TNKS2: variants seen among roughly 807,000 people sequenced by gnomAD.
TNKS2 encodes the protein poly [ADP-ribose] polymerase tankyrase-2.
In TNKS2, 72 loss-of-function variants were observed where a neutral mutation model predicts 137.6. The ratio of observed to expected loss-of-function variants is 0.52; its 90% CI spans 0.43 to 0.64. The LOEUF is 0.64. Among genes scored for constraint, TNKS2 ranks in the 30% least tolerant of loss-of-function variants. TNKS2 has a pLI of 0.00. For synonymous variants in TNKS2, 516 were observed against 512.1 expected, an observed-to-expected ratio of 1.01 and a Z score of -0.10; for missense variants, 1,049 against 1,410.2, an observed-to-expected ratio of 0.74 and a Z score of 4.10.
At chr10:91,847,348 A>AT (rs1401503129) in intron 18 of TNKS2, among the ~76,000 whole-genome samples, 2 of 151,942 alleles carry the variant, frequency 1.3e-5, no homozygotes, top group African/African-American at 2.4e-5. Context: ...ATTCTAGCAG[A>AT]TTTTTTTTAA....
chr10:91,841,354 G>T lies in TNKS2; in HGVS notation c.1745G>T (p.Gly582Val). ...YEVAELLVKHGAVVNVADLWK... is the reference protein window; with the variant it reads ...YEVAELLVKHVAVVNVADLWK... ...GTTGCAGAACTTCTTGTTAAACATG[G>T]AGCAGTAGTTAATGTAGCTGATTTA... Residue 582 changes from glycine to valine, a missense_variant, in exon 15 of 27, where the codon GGA becomes GTA. Around this residue, in one of 6 missense-constraint regions of TNKS2, gnomAD observed 328 missense variants for 436.0 expected, o/e 0.75. Coordinates refer to ENST00000371627, the MANE Select transcript of TNKS2 (RefSeq NM_025235.4). 1 of 1,609,462 alleles carries T rather than the reference G, an allele frequency of 6.2e-7. No homozygotes were observed. Among genetic ancestry groups the T allele is most frequent in the South Asian group, 1.1e-5 (1 of 90,346 alleles).
rs1264337833 is a variant in TNKS2 at position 91,817,142 on chromosome 10, C to G, written c.433C>G (p.Gln145Glu). The stretch of plus-strand genomic sequence containing the variant: ...GTGTTGCTATTTTGCAGTGCTGTTA[C>G]AGCATGGAGCTGAGCCAACCATCCG... ...GKIDVCIVLLQHGAEPTIRNT... is the reference protein window; with the variant it reads ...GKIDVCIVLLEHGAEPTIRNT... The change falls in exon 3 of 27, where the codon CAG (glutamine) becomes GAG (glutamate). Residue 145 changes from glutamine (Q) to glutamate (E), a missense_variant. By Grantham distance (29) the Gln-to-Glu change is conservative. Transcript: ENST00000371627. 6.2e-7 allele frequency: 1 copy of G among 1,612,296 alleles called. No homozygotes were observed. Among genetic ancestry groups the G allele is most frequent in the East Asian group, 2.2e-5 (1 of 44,846 alleles).
At chr10:91,818,283 A>T (rs1844775386) in intron 3 of TNKS2, among the ~76,000 whole-genome samples, 1 of 152,198 alleles carries the variant, frequency 6.6e-6, no homozygotes, top group African/African-American at 2.4e-5. Flanking sequence ...TTTTGTTTGT[A>T]TTCATTTGTA....
chr10:91,862,988 G>C lies in TNKS2; in HGVS notation c.3490G>C (p.Val1164Leu), dbSNP rs2133689533. 1 of 1,603,374 alleles carries C rather than the reference G, an allele frequency of 6.2e-7. No individual in the cohort carries two copies. The highest frequency in any genetic ancestry group is 1.3e-5 in the African/African-American group (1 of 74,726). The change falls in exon 27 of 27, where the codon GTC (valine) becomes CTC (leucine). Residue 1164 changes from valine (V) to leucine (L), a missense_variant. Val to Leu is a conservative substitution (Grantham distance 32). Around this residue, in one of 6 missense-constraint regions of TNKS2, gnomAD observed 133 missense variants for 248.4 expected, o/e 0.54. Transcript: ENST00000371627. ...TYQIMRPEGM[V>L]DG ...CCAGATTATGAGGCCTGAAGGTATG[G>C]TCGATGGATAAATAGTTATTTTAAG... is the stretch of plus-strand genomic sequence containing the variant.
rs61012819 is a variant in TNKS2, at chr10:91,821,048, A to AT, written c.728+1023dup. Among the ~76,000 whole-genome samples the AT allele has an allele frequency of 3.4e-3, 510 of 151,642 alleles. 4 individuals are homozygous for AT. The highest frequency in any genetic ancestry group is 0.012 in the African/African-American group (484 of 41,334). On this transcript the variant is annotated intron_variant, in intron 6 of 26. Transcript: ENST00000371627. The stretch of plus-strand genomic sequence containing the variant: ...TTTGTTGTATTTTTTATTTTATTTT[A>AT]TTTTTTTTAGACGGAGTCTTGCTCT...
chr10:91,823,693 T>C (rs1019573335), intron 7 of TNKS2, among the ~76,000 whole-genome samples: 2 of 152,030 alleles, frequency 1.3e-5, no homozygotes, highest in Non-Finnish European at 2.9e-5. Flanking sequence ...TGGAAGTGGA[T>C]CCCAGGATGT....
At chr10:91,816,698 T>C (rs1046234302) in intron 2 of TNKS2, among the ~76,000 whole-genome samples, 2 of 151,928 alleles carry the variant, frequency 1.3e-5, no homozygotes. Context: ...TTTTTTTTTT[T>C]CTTAAAAATC....
At chr10:91,830,525 G>A (rs1331641243) in intron 9 of TNKS2, among the ~76,000 whole-genome samples, 1 of 152,096 alleles carries the variant, frequency 6.6e-6, no homozygotes, top group African/African-American at 2.4e-5. Flanking sequence ...GCTATATTCT[G>A]TTATTTCTTC....
intron 12 of TNKS2, chr10:91,836,659 C>T (rs2133644896): frequency 1.0e-6 from 1 of 985,332 alleles, no homozygotes. Context: ...CCTTTATGTT[C>T]CTTTATATTG....
In TNKS2 at chr10:91,849,685, G is replaced by A. The variant is rs190665445; in HGVS notation, c.2694+91G>A. 1.5e-3 allele frequency: 1,354 copies of A among 922,438 alleles called. 5 individuals carry two copies. Among genetic ancestry groups the A allele is most frequent in the Non-Finnish European group, 1.9e-3 (1,227 of 629,954 alleles). The allele number at this position is 922,438 out of a possible 1,614,324, so 57.1% of individuals were successfully genotyped here. On this transcript the variant is annotated intron_variant, in intron 20 of 26. Coordinates refer to ENST00000371627, the MANE Select transcript of TNKS2 (RefSeq NM_025235.4). ...ACTTGAAATGAGCTGAACCATGTAAGCTATTGGGGGAGAATGTTTTTTAAG... is the reference window on the plus strand; with the variant it reads ...ACTTGAAATGAGCTGAACCATGTAAACTATTGGGGGAGAATGTTTTTTAAG...
At chr10:91,850,676 A>G (rs1842515140) in intron 20 of TNKS2, among the ~76,000 whole-genome samples, 1 of 152,188 alleles carries the variant, frequency 6.6e-6, no homozygotes, top group Non-Finnish European at 1.5e-5. Context: ...CTGAGATTGC[A>G]CTTTTGCACT....
chr10:91,845,241 C>G (rs1431931823), intron 17 of TNKS2, among the ~76,000 whole-genome samples: 1 of 152,128 alleles, frequency 6.6e-6, no homozygotes, highest in African/African-American at 2.4e-5. Context: ...TATTATCTGC[C>G]TTAACACCTG....
At chr10:91,821,260 T>G (rs1844881959) in intron 6 of TNKS2, among the ~76,000 whole-genome samples, 1 of 151,684 alleles carries the variant, frequency 6.6e-6, no homozygotes, top group South Asian at 2.1e-4. Flanking sequence ...CTCAAACTCC[T>G]GACCTCAGGT....
intron 23 of TNKS2, among the ~76,000 whole-genome samples, chr10:91,857,087 G>C (rs1737350513): frequency 6.6e-6 from 1 of 152,140 alleles, no homozygotes; most frequent in Admixed American, 6.5e-5. Context: ...TCTCTTTCTA[G>C]TACTTTATAC....
In TNKS2 at chr10:91,848,510, C is replaced by A. The variant is rs748179040; in HGVS notation, c.2486C>A (p.Pro829Gln). Reference sequence around the variant, plus strand: ...ACTGCAGATGCTCTCTCTTCAGGTCCATCTAGCCCATCAAGCCTTTCTGCA... The same window carrying A: ...ACTGCAGATGCTCTCTCTTCAGGTCAATCTAGCCCATCAAGCCTTTCTGCA... Reference protein sequence around the residue: ...GATADALSSGPSSPSSLSAAS... With the variant: ...GATADALSSGQSSPSSLSAAS... The change falls in exon 19 of 27, where the codon CCA (proline) becomes CAA (glutamine). Residue 829 changes from proline (P) to glutamine (Q), a missense_variant. Pro to Gln is a moderately conservative substitution (Grantham distance 76, BLOSUM62 -1). This residue lies in a region of TNKS2 where 208 missense variants were observed against 231.2 expected (regional missense o/e 0.90). Coordinates refer to ENST00000371627, the MANE Select transcript of TNKS2 (RefSeq NM_025235.4). The A allele has an allele frequency of 5.0e-6, 8 of 1,614,014 alleles. No homozygotes were observed. The highest frequency in any genetic ancestry group is 6.8e-6 in the Non-Finnish European group (8 of 1,180,034).
At position 91,819,465 on chromosome 10, in the gene TNKS2, C is replaced by G. The variant is rs745647487; in HGVS notation, c.558-17C>G. The G allele has an allele frequency of 3.2e-6, 5 of 1,556,396 alleles. No homozygotes were observed. In the South Asian group the frequency reaches 5.0e-5, roughly 15 times the overall value. ...TGATGAAGAATGCAAATTACTAATA[C>G]TTTTTTTGTATTCTAGGAGTGGCAA... is the stretch of plus-strand genomic sequence containing the variant. On this transcript the variant is annotated splice_polypyrimidine_tract_variant and intron_variant, in intron 4 of 26. Transcript: ENST00000371627.
rs1387279678 is a variant in TNKS2 at position 91,831,085 on chromosome 10, T to C, written c.1197-18T>C. 1.9e-6 allele frequency: 3 copies of C among 1,613,782 alleles called. No homozygotes were observed. Among genetic ancestry groups the C allele is most frequent in the Non-Finnish European group, 2.5e-6 (3 of 1,179,756 alleles). On this transcript the variant is annotated intron_variant, in intron 10 of 26. Coordinates refer to ENST00000371627, the MANE Select transcript of TNKS2 (RefSeq NM_025235.4). Reference sequence around the variant, plus strand: ...TTGGAAAATATATTCACTGTCTGGCTGATTTTTTCTCTCTAAGATTCTTGA... The same window carrying C: ...TTGGAAAATATATTCACTGTCTGGCCGATTTTTTCTCTCTAAGATTCTTGA...
At chr10:91,812,435 CT>C (rs1844539283) in intron 1 of TNKS2, among the ~76,000 whole-genome samples, 1 of 152,176 alleles carries the variant, frequency 6.6e-6, no homozygotes, top group Non-Finnish European at 1.5e-5. Flanking sequence ...GGATTTCATA[CT>C]TTTGCCTGGG....
chr10:91,808,782 A>T (rs1297575384), intron 1 of TNKS2, among the ~76,000 whole-genome samples: 1 of 152,214 alleles, frequency 6.6e-6, no homozygotes, highest in South Asian at 2.1e-4. Flanking sequence ...ATCAGATAAG[A>T]TTATCTAAAA....
Sources: allele counts gnomAD v4.1 joint callset (sites outside exome capture counted in the v4.1 genomes callset), GRCh38; gene constraint gnomAD v4.1.1; regional missense constraint gnomAD v4.1.1; transcripts MANE v1.5; gene names NCBI Gene and HGNC (gene_info 2026-07-23, HGNC 2026-07-21).